The following ZNF134 variants were observed in gnomAD, a reference collection of about 807,000 sequenced individuals.
ZNF134 encodes zinc finger protein 134 (clone pHZ-15).
A neutral mutation model predicts 2.5 loss-of-function variants in ZNF134; 5 were observed. That is an observed-to-expected ratio of 2.03 (90% CI 1.06 to 4.27). The LOEUF (loss-of-function observed/expected upper bound fraction) is 4.27, where lower values mean the gene tolerates loss of function less well. Among genes scored for constraint, ZNF134 ranks in the 30% most tolerant of loss-of-function variants. ZNF134 has a pLI of 0.00. For missense variants in ZNF134, 540 were observed against 517.5 expected (o/e 1.04, Z -0.42); for synonymous variants, 176 against 176.2 (o/e 1.00, Z 0.01).
chr19:57,620,075 T>C, intron 2 of ZNF134, 85 bp from the exon 3 acceptor site: 1 of 1,503,090 alleles, frequency 6.7e-7, no homozygotes, highest in Non-Finnish European at 9.0e-7. Flanking sequence ...TACTCAGTCC[T>C]GGGTACAGCA....
chr19:57,618,267 A>C (rs1981105822), intron 1 of ZNF134, among the ~76,000 whole-genome samples: 1 of 152,200 alleles, frequency 6.6e-6, no homozygotes, highest in Admixed American at 6.5e-5. Flanking sequence ...AACCCATGGC[A>C]GTGTGGCCGT....
chr19:57,616,032 G>GACCA (rs1442562564), intron 1 of ZNF134, among the ~76,000 whole-genome samples: 1 of 152,220 alleles, frequency 6.6e-6, no homozygotes, highest in African/African-American at 2.4e-5. Flanking sequence ...CTGCACTGGA[G>GACCA]ACCAAGGTGA....
In ZNF134 at chr19:57,620,251, G is replaced by A. The variant is rs778838065; in HGVS notation, c.132G>A (p.Leu44=). The part of the protein sequence containing the change: ...VSHVNTSKAG[L]PAQTALPCDI... ...ATGTTAATACTTCCAAGGCAGGTTT[G>A]CCCGCACAGACGGCTCTCCCTTGTG... The change falls in exon 3 of 3, where the codon TTG becomes TTA. Residue 44 remains leucine, a synonymous_variant. Transcript: ENST00000396161. 1 of 1,614,188 alleles carries A rather than the reference G, an allele frequency of 6.2e-7. No homozygotes were observed. The highest frequency in any genetic ancestry group is 1.7e-5 in the Admixed American group (1 of 60,028).
At chr19:57,616,527 G>A (rs1252949931) in intron 1 of ZNF134, among the ~76,000 whole-genome samples, 2 of 152,214 alleles carry the variant, frequency 1.3e-5, no homozygotes, top group East Asian at 3.8e-4. Context: ...AGCCCTATGA[G>A]GTGGGTGCCA....
chr19:57,624,176 A>AT lies in ZNF134; in HGVS notation c.*2781dup, dbSNP rs901325325. 3.9e-5 allele frequency: 6 copies of AT among 152,326 alleles called. No individual in the cohort carries two copies. The highest frequency in any genetic ancestry group is 7.3e-5 in the African/African-American group (3 of 41,306). 9.4% of individuals were successfully genotyped at this position (152,326 alleles called of 1,614,324 possible). A position where few individuals can be genotyped will look rare whatever the true frequency, so the allele number is the denominator to read the frequency against. ...AGATTTTCTTGGGATTGGTGGTTCC[A>AT]TTTTTTTTGTTTTCCCCCCTTCCAT... On this transcript the variant is annotated 3_prime_UTR_variant, in exon 3 of 3. Coordinates refer to ENST00000396161, the MANE Select transcript of ZNF134 (RefSeq NM_003435.5).
chr19:57,621,128 A>G lies in ZNF134; in HGVS notation c.1009A>G (p.Ile337Val). ...HKYTLIKHQR[I>V]HTESKPFECI... Reference sequence around the variant, plus strand: ...ATACACCCTCATTAAACATCAGCGAATTCACACTGAGTCAAAGCCGTTTGA... The same window carrying G: ...ATACACCCTCATTAAACATCAGCGAGTTCACACTGAGTCAAAGCCGTTTGA... Residue 337 changes from isoleucine (I) to valine (V), a missense_variant, in exon 3 of 3, where the codon ATT (isoleucine) becomes GTT (valine). Transcript: ENST00000396161. 3.1e-6 allele frequency: 5 copies of G among 1,614,238 alleles called. No individual in the cohort carries two copies. Among genetic ancestry groups the G allele is most frequent in the African/African-American group, 2.7e-5 (2 of 75,070 alleles).
chr19:57,619,348 G>T, intron 1 of ZNF134, 64 bp from the exon 2 acceptor site: 1 of 1,283,292 alleles, frequency 7.8e-7, no homozygotes, highest in Admixed American at 2.0e-5. Flanking sequence ...TTTTGCATGG[G>T]TGGGCTACTC....
chr19:57,618,717 C>A (rs542998100), intron 1 of ZNF134: 2 of 152,454 alleles, frequency 1.3e-5, no homozygotes, highest in African/African-American at 4.8e-5. Context: ...GAGAGAGAGG[C>A]TGTCCTTAAG....
rs374042154 is a variant in ZNF134, at chr19:57,620,643, A to G, written c.524A>G (p.His175Arg). The change falls in exon 3 of 3, where the codon CAT becomes CGT. Residue 175 changes from histidine to arginine, a missense_variant. Coordinates refer to ENST00000396161, the MANE Select transcript of ZNF134 (RefSeq NM_003435.5). ...GATGCATTTCATGGTGAACAAATGCATTACAAGTGCAGTGAATGTGGGAAA... is the reference window on the plus strand; with the variant it reads ...GATGCATTTCATGGTGAACAAATGCGTTACAAGTGCAGTGAATGTGGGAAA... ...SGDAFHGEQMHYKCSECGKAF... is the reference protein window; with the variant it reads ...SGDAFHGEQMRYKCSECGKAF... The G allele has an allele frequency of 4.9e-5, 79 of 1,614,118 alleles. No individual in the cohort carries two copies. Among genetic ancestry groups the G allele is most frequent in the Non-Finnish European group, 6.4e-5 (76 of 1,180,054 alleles).
chr19:57,620,689 A>G lies in ZNF134; in HGVS notation c.570A>G (p.Thr190=), dbSNP rs1006353961. 1 of 1,614,046 alleles carries G rather than the reference A, an allele frequency of 6.2e-7. No individual in the cohort carries two copies. Among genetic ancestry groups the G allele is most frequent in the Non-Finnish European group, 8.5e-7 (1 of 1,179,936 alleles). ...ECGKAFSRKD[T]LVQHQRIHSG... ...GGAAAGCTTTCAGCCGCAAAGACAC[A>G]CTTGTCCAGCACCAGAGAATTCATA... Residue 190 remains threonine (T), a synonymous_variant, in exon 3 of 3, where the codon ACA becomes ACG. Coordinates refer to ENST00000396161, the MANE Select transcript of ZNF134 (RefSeq NM_003435.5).
chr19:57,619,767 T>G, intron 2 of ZNF134: 1 of 565,376 alleles, frequency 1.8e-6, no homozygotes, highest in Non-Finnish European at 3.1e-6. Context: ...ACTTACACTA[T>G]TGTGTCATAA....
chr19:57,620,330 A>T lies in ZNF134; in HGVS notation c.211A>T (p.Thr71Ser). The change falls in exon 3 of 3, where the codon ACA (threonine) becomes TCA (serine). Residue 71 changes from threonine to serine, a missense_variant. Physicochemically the swap from Thr to Ser is moderately conservative, Grantham distance 58. Transcript: ENST00000396161. Reference sequence around the variant, plus strand: ...TTTGCACCTGGATGAACACCAGGGTACACACCATGGACTGAAACTTCACAC... The same window carrying T: ...TTTGCACCTGGATGAACACCAGGGTTCACACCATGGACTGAAACTTCACAC... ...DILHLDEHQG[T>S]HHGLKLHTCG... The T allele has an allele frequency of 6.2e-7, 1 of 1,614,222 alleles. No individual in the cohort carries two copies. Among genetic ancestry groups the T allele is most frequent in the East Asian group, 2.2e-5 (1 of 44,890 alleles).
chr19:57,617,439 G>A (rs1981084620), intron 1 of ZNF134, among the ~76,000 whole-genome samples: 1 of 152,194 alleles, frequency 6.6e-6, no homozygotes, highest in African/African-American at 2.4e-5. Context: ...AAGGCAAGGG[G>A]TGAAGGAAGA....
Position 57,620,647 on chromosome 19 carries a change from C to A in ZNF134, c.528C>A (p.Tyr176Ter), listed in dbSNP as rs1395019046. The A allele has an allele frequency of 6.2e-7, 1 of 1,614,098 alleles. No individual in the cohort carries two copies. Among genetic ancestry groups the A allele is most frequent in the African/African-American group, 1.3e-5 (1 of 74,922 alleles). ...GDAFHGEQMH[Y>*]KCSECGKAFS... is the part of the protein sequence containing the mutation. ...CATTTCATGGTGAACAAATGCATTACAAGTGCAGTGAATGTGGGAAAGCTT... is the reference window on the plus strand; with the variant it reads ...CATTTCATGGTGAACAAATGCATTAAAAGTGCAGTGAATGTGGGAAAGCTT... The change falls in exon 3 of 3, where the codon TAC (tyrosine) becomes TAA (stop). Residue 176 changes from tyrosine to a stop codon, truncating the protein, a stop_gained. Coordinates refer to ENST00000396161, the MANE Select transcript of ZNF134 (RefSeq NM_003435.5). LOFTEE classifies it low-confidence loss of function (END_TRUNC).
intron 2 of ZNF134, 125 bp downstream of exon 2, chr19:57,619,633 A>G (rs1157267354): frequency 1.9e-6 from 2 of 1,059,210 alleles, no homozygotes; most frequent in African/African-American, 1.6e-5. Flanking sequence ...TTTTATCCCC[A>G]TTCTGTACAC....
At position 57,623,099 on chromosome 19, in the gene ZNF134, C is replaced by G. The variant is rs1981278575; in HGVS notation, c.*1696C>G. 6.6e-6 allele frequency: 1 copy of G among 152,040 alleles called. No individual in the cohort carries two copies. Among genetic ancestry groups the G allele is most frequent in the African/African-American group, 2.4e-5 (1 of 41,388 alleles). 9.4% of individuals were successfully genotyped at this position (152,040 alleles called of 1,614,324 possible). On this transcript the variant is annotated 3_prime_UTR_variant, in exon 3 of 3. Transcript: ENST00000396161. ...TCAGTGCTCGCCTTCCCCCAGAATC[C>G]CTAGGCAACCACTGAGTAGTTTTCA...
chr19:57,618,090 A>T (rs2079033), intron 1 of ZNF134, among the ~76,000 whole-genome samples: 4 of 151,954 alleles, frequency 2.6e-5, no homozygotes, highest in Non-Finnish European at 5.9e-5. Flanking sequence ...CAGTGAGTGT[A>T]GGTTTTGAAT....
At position 57,622,989 on chromosome 19, in the gene ZNF134, AC is replaced by A. The variant is rs1420294794; in HGVS notation, c.*1587del. 6.9e-6 allele frequency: 1 copy of A among 144,498 alleles called. No homozygotes were observed. Among genetic ancestry groups the A allele is most frequent in the African/African-American group, 2.6e-5 (1 of 38,276 alleles). 9.0% of individuals were successfully genotyped at this position (144,498 alleles called of 1,614,324 possible). A position where few individuals can be genotyped will look rare whatever the true frequency, so the allele number is the denominator to read the frequency against. On this transcript the variant is annotated 3_prime_UTR_variant, in exon 3 of 3. Coordinates refer to ENST00000396161, the MANE Select transcript of ZNF134 (RefSeq NM_003435.5). ...CACACACACACACACACACACACACACACACACTTGAAACTATCACCCTATC... is the reference window on the plus strand; with the variant it reads ...CACACACACACACACACACACACACAACACACTTGAAACTATCACCCTATC...
Position 57,620,213 on chromosome 19 carries a change from A to G in ZNF134, c.94A>G (p.Ile32Val), listed in dbSNP as rs1167370482. ...EESSSEQSIS[I>V]AVSHVNTSKA... Reference sequence around the variant, plus strand: ...GTCATCTTCTGAACAGAGCATTTCTATAGCAGTGTCACATGTTAATACTTC... The same window carrying G: ...GTCATCTTCTGAACAGAGCATTTCTGTAGCAGTGTCACATGTTAATACTTC... Residue 32 changes from isoleucine (I) to valine (V), a missense_variant, in exon 3 of 3, where the codon ATA (isoleucine) becomes GTA (valine). Transcript: ENST00000396161. The G allele has an allele frequency of 4.3e-6, 7 of 1,614,118 alleles. No homozygotes were observed. The highest frequency in any genetic ancestry group is 2.7e-5 in the African/African-American group (2 of 74,948).
Sources: allele counts gnomAD v4.1 joint callset (sites outside exome capture counted in the v4.1 genomes callset), GRCh38; gene constraint gnomAD v4.1.1; transcripts MANE v1.5; gene names NCBI Gene and HGNC (gene_info 2026-07-23, HGNC 2026-07-21).